The following FKBP1B variants were observed in gnomAD, a reference collection of about 807,000 sequenced individuals.
FKBP1B encodes peptidyl-prolyl cis-trans isomerase FKBP1B.
In FKBP1B, 4 loss-of-function variants were observed where a neutral mutation model predicts 13.5. The ratio of observed to expected loss-of-function variants is 0.30; its 90% CI spans 0.15 to 0.68. The LOEUF (loss-of-function observed/expected upper bound fraction) is 0.68. Among genes scored for constraint, FKBP1B ranks in the 30% least tolerant of loss-of-function variants. FKBP1B has a pLI of 0.76. For missense variants in FKBP1B, 93 were observed against 136.2 expected, an observed-to-expected ratio of 0.68 and a Z score of 1.58; for synonymous variants, 54 against 53.6, an observed-to-expected ratio of 1.01 and a Z score of -0.03.
the FKBP1B span, among the ~76,000 whole-genome samples, chr2:24,036,229 C>T: frequency 5.3e-5 from 8 of 150,422 alleles, no homozygotes; most frequent in Admixed American, 2.6e-4. Flanking sequence ...GTTGGGGCCA[C>T]ATGCAGTGGC....
intron 1 of FKBP1B, among the ~76,000 whole-genome samples, chr2:24,052,696 G>A (rs1169904118): frequency 2.6e-5 from 4 of 152,158 alleles, no homozygotes; most frequent in Admixed American, 6.5e-5. Context: ...GGCGGGTTTG[G>A]TGGCTCATGC....
chr2:24,035,755 T>TA, the FKBP1B span, among the ~76,000 whole-genome samples: 5 of 150,018 alleles, frequency 3.3e-5, no homozygotes, highest in African/African-American at 7.4e-5. Context: ...TCTCTATAGT[T>TA]AAAAAAAAAT....
chr2:24,039,335 T>C, the FKBP1B span: 5 of 1,614,238 alleles, frequency 3.1e-6, no homozygotes, highest in Non-Finnish European at 3.4e-6. Flanking sequence ...AACTGTCCAA[T>C]GACTTTGGAG....
upstream of FKBP1B, among the ~76,000 whole-genome samples, chr2:24,047,613 G>A (rs536188301): frequency 3.3e-5 from 5 of 151,930 alleles, no homozygotes; most frequent in Admixed American, 2.6e-4. Flanking sequence ...TAAAACCACC[G>A]ACCGCAAGCC....
upstream of FKBP1B, chr2:24,047,481 T>G (rs1003433631): frequency 6.6e-6 from 1 of 152,066 alleles, no homozygotes; most frequent in African/African-American, 2.4e-5. Flanking sequence ...TCTGATAGGA[T>G]AGGCACGCTC....
intron 3 of FKBP1B, among the ~76,000 whole-genome samples, chr2:24,062,113 T>C (rs1177311694): frequency 4.6e-5 from 7 of 152,130 alleles, no homozygotes; most frequent in African/African-American, 1.4e-4. Flanking sequence ...CCTCGTGATC[T>C]GCCCGCCTCA....
rs928072426 is a variant in FKBP1B at position 24,051,227 on chromosome 2, G to A, written c.37+1341G>A. Reference sequence around the variant, plus strand: ...TACGCACCTGTAATCCCAGCTACTCGGGAGGCTGGGGCAGGAGAATCACTT... The same window carrying A: ...TACGCACCTGTAATCCCAGCTACTCAGGAGGCTGGGGCAGGAGAATCACTT... On this transcript the variant is annotated intron_variant, in intron 1 of 3. Transcript: ENST00000380986. 2.6e-5 allele frequency among the ~76,000 whole-genome samples: 4 copies of A among 152,142 alleles called. 1 individual carries two copies. Among genetic ancestry groups the A allele is most frequent in the Non-Finnish European group, 2.9e-5 (2 of 67,992 alleles).
At chr2:24,060,228 A>G (rs1489363575) in intron 2 of FKBP1B, among the ~76,000 whole-genome samples, 1 of 152,190 alleles carries the variant, frequency 6.6e-6, no homozygotes, top group Non-Finnish European at 1.5e-5. Flanking sequence ...TACAGGTGAG[A>G]TAAGCTGGTG....
the FKBP1B span, among the ~76,000 whole-genome samples, chr2:24,034,506 C>T: frequency 6.6e-6 from 1 of 151,902 alleles, no homozygotes; most frequent in South Asian, 2.1e-4. Flanking sequence ...GAGATAACTA[C>T]TGACAACAGC....
the FKBP1B span, among the ~76,000 whole-genome samples, chr2:24,037,077 G>C: frequency 6.6e-6 from 1 of 152,202 alleles, no homozygotes; most frequent in Non-Finnish European, 1.5e-5. Flanking sequence ...GCCCAGGCTG[G>C]AGTGCAGTGG....
At position 24,061,014 on chromosome 2, in the gene FKBP1B, C is replaced by T. The variant is rs1425432054; in HGVS notation, c.198+88C>T. The stretch of plus-strand genomic sequence containing the variant: ...CCCTCCACCTCCACCTTCACCCACT[C>T]ACAGACCACTACTGCTTTGACTCTA... On this transcript the variant is annotated intron_variant, in intron 3 of 3. Transcript: ENST00000380986. 5 of 950,670 alleles carry T rather than the reference C, an allele frequency of 5.3e-6. No homozygotes were observed. The Admixed American group carries it at 9.9e-5, about 19-fold the overall frequency. 58.9% of individuals were successfully genotyped at this position (950,670 alleles called of 1,614,324 possible). A position where few individuals can be genotyped will look rare whatever the true frequency, so the allele number is the denominator to read the frequency against.
the FKBP1B span, among the ~76,000 whole-genome samples, chr2:24,041,600 C>A: frequency 6.6e-6 from 1 of 152,044 alleles, no homozygotes; most frequent in Non-Finnish European, 1.5e-5. Context: ...AAAGTGTAAT[C>A]CCAGCACTTT....
chr2:24,039,055 G>A, the FKBP1B span: 1 of 1,614,142 alleles, frequency 6.2e-7, no homozygotes, highest in Non-Finnish European at 8.5e-7. Context: ...CTTTACCTGG[G>A]AATCATCAGA....
At chr2:24,038,825 G>A in the FKBP1B span, 1 of 1,614,160 alleles carries the variant, frequency 6.2e-7, no homozygotes, top group East Asian at 2.2e-5. Context: ...TTATCCAATG[G>A]AAGCTCAGTA....
chr2:24,047,237 G>A (rs1041160637), upstream of FKBP1B: 1 of 151,490 alleles, frequency 6.6e-6, no homozygotes, highest in Non-Finnish European at 1.5e-5. Context: ...TACCCACCAA[G>A]AGCCGATCCA....
intron 3 of FKBP1B, among the ~76,000 whole-genome samples, chr2:24,062,621 GT>G (rs1451588405): frequency 6.6e-6 from 1 of 152,116 alleles, no homozygotes; most frequent in Admixed American, 6.5e-5. Context: ...GCCACAATAG[GT>G]CCCCCTTGCC....
chr2:24,047,956 A>G (rs1446284177), upstream of FKBP1B, among the ~76,000 whole-genome samples: 1 of 152,022 alleles, frequency 6.6e-6, no homozygotes, highest in East Asian at 1.9e-4. Context: ...ACAGTCGACA[A>G]TCATCTTTCT....
rs2150974902 is a variant in FKBP1B at position 24,063,533 on chromosome 2, G to C, written c.*341G>C. 3.5e-6 allele frequency: 1 copy of C among 285,520 alleles called. No homozygotes were observed. The highest frequency in any genetic ancestry group is 5.6e-5 in the East Asian group (1 of 17,822). The allele number at this position is 285,520 out of a possible 1,614,324, so 17.7% of individuals were successfully genotyped here. On this transcript the variant is annotated 3_prime_UTR_variant, in exon 4 of 4. Transcript: ENST00000380986. The stretch of plus-strand genomic sequence containing the variant: ...TTAAACCACACACACAAGGTGCTCA[G>C]ACATGAAATGTACATGGCGTACCGT...
intron 3 of FKBP1B, among the ~76,000 whole-genome samples, chr2:24,061,345 T>C (rs558799685): frequency 1.3e-5 from 2 of 152,154 alleles, no homozygotes; most frequent in African/African-American, 2.4e-5. Flanking sequence ...TCCCAGCTAC[T>C]TGGGAGGCTG....
Sources: allele counts gnomAD v4.1 joint callset (sites outside exome capture counted in the v4.1 genomes callset), GRCh38; gene constraint gnomAD v4.1.1; transcripts MANE v1.5; gene names NCBI Gene and HGNC (gene_info 2026-07-23, HGNC 2026-07-21).